ASRGL1: variants seen among roughly 807,000 people sequenced by gnomAD.
ASRGL1 encodes the protein isoaspartyl peptidase/L-asparaginase.
In ASRGL1, 16 loss-of-function variants were observed where a neutral mutation model predicts 22.4. The observed-to-expected ratio is 0.71, with a 90% CI of 0.48 to 1.08. ASRGL1 has a LOEUF of 1.08. Ranked by LOEUF, ASRGL1 falls within the 50% of genes least tolerant of loss-of-function variation. The probability of loss-of-function intolerance (pLI) is 0.00; values close to 1 mark genes in which losing one functional copy is unlikely to be tolerated. For synonymous variants in ASRGL1, 165 were observed against 159.3 expected (o/e 1.04, Z -0.27); for missense variants, 412 against 410.1 (o/e 1.00, Z -0.04).
At chr11:62,371,724 G>A (rs563685516) in intron 4 of ASRGL1, 2 of 566,108 alleles carry the variant, frequency 3.5e-6, no homozygotes, top group African/African-American at 3.7e-5. Flanking sequence ...AGGCCGAGGC[G>A]GGCAGATCAC....
chr11:62,372,470 G>C, intron 4 of ASRGL1: 1 of 1,466,982 alleles, frequency 6.8e-7, no homozygotes, highest in Non-Finnish European at 9.5e-7. Flanking sequence ...GGTCAGCTGG[G>C]ACACAACTCA....
chr11:62,372,907 G>T, intron 4 of ASRGL1: 1 of 1,585,934 alleles, frequency 6.3e-7, no homozygotes, highest in Non-Finnish European at 8.6e-7. Flanking sequence ...AGAATCTGGA[G>T]CCTGGCTTGT....
chr11:62,391,357 A>G, intron 5 of ASRGL1, 165 bp from the exon 6 acceptor site: 1 of 1,079,208 alleles, frequency 9.3e-7, no homozygotes, highest in African/African-American at 1.6e-5. Context: ...CATCTACATG[A>G]CGCTTTCTAG....
chr11:62,338,081 A>G lies in ASRGL1; in HGVS notation c.104A>G (p.Tyr35Cys). The G allele has an allele frequency of 1.9e-6, 3 of 1,607,948 alleles. No homozygotes were observed. Among genetic ancestry groups the G allele is most frequent in the South Asian group, 1.1e-5 (1 of 89,960 alleles). Residue 35 changes from tyrosine (Y) to cysteine (C), a missense_variant, in exon 2 of 7, where the codon TAC (tyrosine) becomes TGC (cysteine). By Grantham distance (194) the Tyr-to-Cys change is radical (BLOSUM62 -2). Coordinates refer to ENST00000415229, the MANE Select transcript of ASRGL1 (RefSeq NM_001083926.2). ...QGMVRAATVG[Y>C]GILREGGSAV... Reference sequence around the variant, plus strand: ...ATGGTCAGAGCCGCCACCGTGGGCTACGGCATCCTCCGGGAGGGCGGGAGC... The same window carrying G: ...ATGGTCAGAGCCGCCACCGTGGGCTGCGGCATCCTCCGGGAGGGCGGGAGC...
At chr11:62,367,814 C>A (rs754704471) in intron 4 of ASRGL1, among the ~76,000 whole-genome samples, 2 of 144,916 alleles carry the variant, frequency 1.4e-5, no homozygotes, top group African/African-American at 5.2e-5. Context: ...TGGTGGCACA[C>A]GCCTTTAGTC....
At chr11:62,394,149 T>TTATACAATACATA (rs1271770303), downstream of ASRGL1, among the ~76,000 whole-genome samples, 32 of 83,978 alleles carry the variant, frequency 3.8e-4, no homozygotes, top group Admixed American at 4.3e-3. Flanking sequence ...TATATAACAT[T>TTATACAATACATA]TATATAATAC....
chr11:62,355,767 G>A (rs937599895), intron 2 of ASRGL1, among the ~76,000 whole-genome samples: 1 of 152,004 alleles, frequency 6.6e-6, no homozygotes, highest in Non-Finnish European at 1.5e-5. Flanking sequence ...AGGACCCTGC[G>A]GCCTTCCGCA....
chr11:62,389,276 C>A, intron 5 of ASRGL1, 25 bp downstream of exon 5: 1 of 1,580,756 alleles, frequency 6.3e-7, no homozygotes, highest in African/African-American at 1.3e-5. Flanking sequence ...TGCCTCCTGC[C>A]CCTTCCCCTC....
chr11:62,356,533 C>G, intron 3 of ASRGL1, 66 bp downstream of exon 3: 1 of 1,535,578 alleles, frequency 6.5e-7, no homozygotes, highest in Non-Finnish European at 8.9e-7. Context: ...GATAAGGGCT[C>G]CAACTGTGCA....
At chr11:62,393,854 C>T (rs1485458067), downstream of ASRGL1, among the ~76,000 whole-genome samples, 1 of 151,656 alleles carries the variant, frequency 6.6e-6, no homozygotes, top group Non-Finnish European at 1.5e-5. Flanking sequence ...ACGTTGGTGT[C>T]TCCCGAGGCC....
At chr11:62,383,739 T>C (rs1435245115) in intron 4 of ASRGL1, among the ~76,000 whole-genome samples, 3 of 148,708 alleles carry the variant, frequency 2.0e-5, no homozygotes, top group Non-Finnish European at 3.0e-5. Flanking sequence ...CTGGGCAACA[T>C]GGTGAAACCC....
chr11:62,372,049 G>C, intron 4 of ASRGL1: 1 of 751,256 alleles, frequency 1.3e-6, no homozygotes. Context: ...GGTGCCTGGC[G>C]GGGGTCCGGG....
chr11:62,356,537 CTG>C, intron 3 of ASRGL1, 70 bp downstream of exon 3: 1 of 1,526,924 alleles, frequency 6.5e-7, no homozygotes, highest in Non-Finnish European at 9.0e-7. Flanking sequence ...AGGGCTCCAA[CTG>C]TGCAGAAATA....
chr11:62,392,076 C>G lies in ASRGL1; in HGVS notation c.722-3C>G, dbSNP rs377237481. On this transcript the variant is annotated splice_polypyrimidine_tract_variant and splice_region_variant and intron_variant, in intron 6 of 6. Transcript: ENST00000415229. ...TTGTTTCTCAACCCTTCCTTGTTTTCAGGAAAGACGGTAGAAGAGGCTGCG... is the reference window on the plus strand; with the variant it reads ...TTGTTTCTCAACCCTTCCTTGTTTTGAGGAAAGACGGTAGAAGAGGCTGCG... 5.6e-5 allele frequency: 90 copies of G among 1,613,918 alleles called. No homozygotes were observed. The highest frequency in any genetic ancestry group is 7.3e-5 in the Non-Finnish European group (86 of 1,179,904).
intron 2 of ASRGL1, among the ~76,000 whole-genome samples, chr11:62,347,826 C>G (rs1946066355): frequency 1.3e-5 from 2 of 152,062 alleles, no homozygotes; most frequent in African/African-American, 4.8e-5. Flanking sequence ...ACTTGGGAGG[C>G]TGAGACAGGA....
intron 4 of ASRGL1, chr11:62,371,254 C>G: frequency 7.6e-7 from 1 of 1,321,936 alleles, no homozygotes; most frequent in Non-Finnish European, 9.9e-7. Context: ...GCCTCCCGAG[C>G]GCTGCAGTAG....
At chr11:62,398,672 C>A in the ASRGL1 span, among the ~76,000 whole-genome samples, 1 of 152,246 alleles carries the variant, frequency 6.6e-6, no homozygotes, top group Non-Finnish European at 1.5e-5. Context: ...GGCCCACTCC[C>A]GCTAGCGGCG....
chr11:62,338,101 G>A lies in ASRGL1; in HGVS notation c.124G>A (p.Gly42Arg), dbSNP rs776515380. ...TVGYGILREG[G>R]SAVDAVEGAV... ...GGGCTACGGCATCCTCCGGGAGGGC[G>A]GGAGCGCCGTGGATGCCGTAGAGGG... Residue 42 changes from glycine to arginine, a missense_variant, in exon 2 of 7, where the codon GGG becomes AGG. By Grantham distance (125) the Gly-to-Arg change is moderately radical. Coordinates refer to ENST00000415229, the MANE Select transcript of ASRGL1 (RefSeq NM_001083926.2). 4.4e-6 allele frequency: 7 copies of A among 1,607,370 alleles called. No homozygotes were observed. Among genetic ancestry groups the A allele is most frequent in the South Asian group, 3.3e-5 (3 of 89,810 alleles).
intron 4 of ASRGL1, chr11:62,371,238 G>C: frequency 7.8e-7 from 1 of 1,277,886 alleles, no homozygotes; most frequent in Non-Finnish European, 1.0e-6. Context: ...GCAGCCGGAA[G>C]CGCGAGCCTC....
Sources: allele counts gnomAD v4.1 joint callset (sites outside exome capture counted in the v4.1 genomes callset), GRCh38; gene constraint gnomAD v4.1.1; transcripts MANE v1.5; gene names NCBI Gene and HGNC (gene_info 2026-07-23, HGNC 2026-07-21).